CTNNBL1: variants seen among roughly 807,000 people sequenced by gnomAD.
CTNNBL1 encodes catenin beta like 1.
In CTNNBL1, 31 loss-of-function variants were observed where a neutral mutation model predicts 72.7. That is an observed-to-expected ratio of 0.43 (90% CI 0.32 to 0.58). The LOEUF (loss-of-function observed/expected upper bound fraction) is 0.58, where lower values mean the gene tolerates loss of function less well. Among genes scored for constraint, CTNNBL1 ranks in the 20% least tolerant of loss-of-function variants. The pLI, the probability that CTNNBL1 is intolerant of heterozygous loss-of-function variation, is 0.08. For synonymous variants in CTNNBL1, 240 were observed against 267.3 expected (o/e 0.90, Z 1.00); for missense variants, 534 against 725.1 (o/e 0.74, Z 3.03).
intron 13 of CTNNBL1, among the ~76,000 whole-genome samples, chr20:37,849,189 A>G (rs933832312): frequency 6.6e-6 from 1 of 152,202 alleles, no homozygotes; most frequent in Non-Finnish European, 1.5e-5. Context: ...GCACCCGCCT[A>G]ACTAACTAGT....
intron 11 of CTNNBL1, among the ~76,000 whole-genome samples, chr20:37,805,166 T>A (rs575444876): frequency 6.6e-6 from 1 of 152,100 alleles, no homozygotes; most frequent in African/African-American, 2.4e-5. Context: ...TGGGTAAGAC[T>A]GTGCTCTTTG....
intron 1 of CTNNBL1, among the ~76,000 whole-genome samples, chr20:37,700,909 A>G (rs2072835778): frequency 6.6e-6 from 1 of 152,198 alleles, no homozygotes; most frequent in Admixed American, 6.5e-5. Context: ...ATCTTAGCAT[A>G]TCTCTTGGAT....
intron 4 of CTNNBL1, among the ~76,000 whole-genome samples, chr20:37,747,489 C>T (rs2122626321): frequency 6.6e-6 from 1 of 151,932 alleles, no homozygotes; most frequent in South Asian, 2.1e-4. Context: ...CTCTCAACCG[C>T]ATTTTTGTGT....
chr20:37,811,315 C>T (rs1215981533), intron 11 of CTNNBL1, among the ~76,000 whole-genome samples: 1 of 152,154 alleles, frequency 6.6e-6, no homozygotes, highest in Non-Finnish European at 1.5e-5. Context: ...TTGACAATCA[C>T]AGAGTTGGTT....
chr20:37,813,770 A>C (rs2072031593), intron 11 of CTNNBL1, among the ~76,000 whole-genome samples: 1 of 152,248 alleles, frequency 6.6e-6, no homozygotes, highest in African/African-American at 2.4e-5. Flanking sequence ...AAATGCCAGC[A>C]ATGTAGAAAC....
At chr20:37,811,936 T>G (rs1477245406) in intron 11 of CTNNBL1, among the ~76,000 whole-genome samples, 1 of 152,240 alleles carries the variant, frequency 6.6e-6, no homozygotes, top group South Asian at 2.1e-4. Flanking sequence ...AGCACATTAG[T>G]GACAAAGCAA....
chr20:37,733,104 G>A (rs775432390), intron 2 of CTNNBL1, 37 bp downstream of exon 2: 2 of 1,590,306 alleles, frequency 1.3e-6, no homozygotes, highest in Admixed American at 1.7e-5. Flanking sequence ...TGAGATGGCT[G>A]GCCCTGTAAA....
chr20:37,861,413 C>T (rs2072490563), intron 15 of CTNNBL1, among the ~76,000 whole-genome samples: 1 of 152,134 alleles, frequency 6.6e-6, no homozygotes, highest in South Asian at 2.1e-4. Flanking sequence ...CTGGCTGGTA[C>T]GTGTGGCAGT....
At chr20:37,850,650 T>G (rs2122838135) in intron 13 of CTNNBL1, among the ~76,000 whole-genome samples, 1 of 129,838 alleles carries the variant, frequency 7.7e-6, no homozygotes, top group Non-Finnish European at 1.7e-5. Flanking sequence ...TTTTAGAAGC[T>G]TTTGGAGGAA....
intron 4 of CTNNBL1, chr20:37,751,733 G>A (rs2073321996): frequency 6.6e-6 from 1 of 152,250 alleles, no homozygotes; most frequent in South Asian, 2.1e-4. Context: ...ATAGGGCTGG[G>A]AAGGATTTGA....
intron 10 of CTNNBL1, among the ~76,000 whole-genome samples, chr20:37,801,322 T>C (rs1224366917): frequency 6.6e-6 from 1 of 152,172 alleles, no homozygotes; most frequent in Non-Finnish European, 1.5e-5. Context: ...CAGTGCTAAG[T>C]AGTTGCCCAG....
intron 11 of CTNNBL1, among the ~76,000 whole-genome samples, chr20:37,803,591 C>A (rs1310316664): frequency 6.6e-6 from 1 of 152,188 alleles, no homozygotes; most frequent in Non-Finnish European, 1.5e-5. Context: ...TCTCTTCCTG[C>A]TGTTGTCTAG....
chr20:37,824,007 G>T (rs1001046608), intron 11 of CTNNBL1, among the ~76,000 whole-genome samples: 1 of 152,102 alleles, frequency 6.6e-6, no homozygotes, highest in Non-Finnish European at 1.5e-5. Context: ...GGGGTAGGGA[G>T]AGGAGTGGTA....
At chr20:37,855,551 C>T (rs886535543) in intron 13 of CTNNBL1, among the ~76,000 whole-genome samples, 3 of 152,282 alleles carry the variant, frequency 2.0e-5, no homozygotes, top group East Asian at 3.9e-4. Context: ...TGAATGAGTT[C>T]CACTCCAGGT....
chr20:37,860,387 A>G (rs763141667), intron 15 of CTNNBL1, 43 bp downstream of exon 15: 1 of 1,451,464 alleles, frequency 6.9e-7, no homozygotes, highest in Admixed American at 1.7e-5. Context: ...AGAGGATTAG[A>G]TGATGCTTAC....
At chr20:37,811,243 A>G (rs1036576401) in intron 11 of CTNNBL1, among the ~76,000 whole-genome samples, 8 of 152,186 alleles carry the variant, frequency 5.3e-5, no homozygotes, top group Admixed American at 2.0e-4. Flanking sequence ...TGTCTAAGCT[A>G]TAAACAGAGG....
In CTNNBL1 at chr20:37,872,076, C is replaced by CAGAGTTGTGTAG; in HGVS notation, c.*64_*65insGAGTTGTGTAGA. ...TTCCCTCCCAGGATCAGTTTCTACA[C>CAGAGTTGTGTAG]AACTCTGTGTGGCTTTTGGACAAAT... On this transcript the variant is annotated 3_prime_UTR_variant, in exon 16 of 16. Transcript: ENST00000361383. 3.6e-6 allele frequency: 5 copies of CAGAGTTGTGTAG among 1,393,036 alleles called. No individual in the cohort carries two copies. Among genetic ancestry groups the CAGAGTTGTGTAG allele is most frequent in the Non-Finnish European group, 5.1e-6 (5 of 979,416 alleles). The allele number at this position is 1,393,036 out of a possible 1,614,324, so 86.3% of individuals were successfully genotyped here.
intron 11 of CTNNBL1, among the ~76,000 whole-genome samples, chr20:37,827,054 T>G (rs1238462183): frequency 6.6e-6 from 1 of 152,194 alleles, no homozygotes; most frequent in Non-Finnish European, 1.5e-5. Context: ...TACCATAGAT[T>G]AGGTTAACCT....
At chr20:37,695,880 C>G (rs2072786707) in intron 1 of CTNNBL1, among the ~76,000 whole-genome samples, 1 of 152,328 alleles carries the variant, frequency 6.6e-6, no homozygotes, top group South Asian at 2.1e-4. Context: ...ATACCACTCC[C>G]TCAGCCAAAG....
Sources: gnomAD v4.1 joint callset for allele counts (sites outside exome capture counted in the v4.1 genomes callset) on GRCh38, gnomAD v4.1.1 for gene constraint, MANE v1.5 for transcripts, NCBI Gene and HGNC (gene_info 2026-07-23, HGNC 2026-07-21) for gene names.